Variants in SBSN observed in about 807,000 individuals in gnomAD.
SBSN encodes the protein suprabasin.
In SBSN, 33 loss-of-function variants were observed where a neutral mutation model predicts 42.8. That is an observed-to-expected ratio of 0.77 (90% CI 0.58 to 1.03). SBSN has a LOEUF of 1.03. SBSN is among the 50% of genes least tolerant of loss of function. The probability of loss-of-function intolerance (pLI) is 0.00; values close to 1 mark genes in which losing one functional copy is unlikely to be tolerated. For missense variants in SBSN, 646 were observed against 757.3 expected, an observed-to-expected ratio of 0.85 and a Z score of 1.72; for synonymous variants, 276 against 307.0, an observed-to-expected ratio of 0.90 and a Z score of 1.06.
intron 1 of SBSN, among the ~76,000 whole-genome samples, chr19:35,525,502 T>C (rs975674985): frequency 2.2e-5 from 3 of 135,460 alleles, no homozygotes; most frequent in African/African-American, 8.2e-5. Context: ...GATGTGGCTC[T>C]GGACTTCGAC....
chr19:35,528,296 C>T lies in SBSN; in HGVS notation c.-15G>A, dbSNP rs757901593. On this transcript the variant is annotated 5_prime_UTR_variant, in exon 1 of 4. Coordinates refer to ENST00000452271, the MANE Select transcript of SBSN (RefSeq NM_001166034.2). The stretch of plus-strand genomic sequence containing the variant: ...GCAAGATGCATATTGCTGGGAAGGT[C>T]GGGAAGGATGCAGAGAGGAGCCAGG... The T allele has an allele frequency of 4.4e-6, 7 of 1,590,146 alleles. No individual in the cohort carries two copies. The highest frequency in any genetic ancestry group is 2.7e-5 in the African/African-American group (2 of 74,504).
chr19:35,523,879 A>G (rs2071339437), intron 3 of SBSN, among the ~76,000 whole-genome samples: 1 of 152,184 alleles, frequency 6.6e-6, no homozygotes, highest in South Asian at 2.1e-4. Flanking sequence ...CAGCAGATAC[A>G]ATAAGTGCAA....
rs756825268 is a variant in SBSN at position 35,527,708 on chromosome 19, C to T, written c.574G>A (p.Val192Ile). 1 of 1,521,438 alleles carries T rather than the reference C, an allele frequency of 6.6e-7. No individual in the cohort carries two copies. Among genetic ancestry groups the T allele is most frequent in the Admixed American group, 2.0e-5 (1 of 49,586 alleles). 94.2% of individuals were successfully genotyped at this position (1,521,438 alleles called of 1,614,324 possible). A position where few individuals can be genotyped will look rare whatever the true frequency, so the allele number is the denominator to read the frequency against. ...CCGGCCTGCCCTGCAGCATGGTGGA[C>T]TCCCTGGCCAAACCTCCCAGCCTCA... ...GNEAGRFGQG[V>I]HHAAGQAGNE... Residue 192 changes from valine to isoleucine, a missense_variant, in exon 1 of 4, where the codon GTC becomes ATC. Physicochemically the swap from Val to Ile is conservative, Grantham distance 29 (BLOSUM62 3). Transcript: ENST00000452271.
intron 1 of SBSN, among the ~76,000 whole-genome samples, 186 bp from the exon 2 acceptor site, chr19:35,525,110 C>G (rs549090383): frequency 6.6e-6 from 1 of 152,304 alleles, no homozygotes; most frequent in South Asian, 2.1e-4. Context: ...CATTCTGCCT[C>G]CTGCTGCCTT....
At position 35,528,048 on chromosome 19, in the gene SBSN, G is replaced by A. The variant is rs749399218; in HGVS notation, c.234C>T (p.His78=). Residue 78 remains histidine, a synonymous_variant, in exon 1 of 4, where the codon CAC becomes CAT. Coordinates refer to ENST00000452271, the MANE Select transcript of SBSN (RefSeq NM_001166034.2). ...VFNGLSNMGS[H]TGKELDKGVQ... Reference sequence around the variant, plus strand: ...CGCCTTTGTCCAACTCCTTGCCGGTGTGGCTCCCCATGTTGCTAAGTCCGT... The same window carrying A: ...CGCCTTTGTCCAACTCCTTGCCGGTATGGCTCCCCATGTTGCTAAGTCCGT... 6.2e-7 allele frequency: 1 copy of A among 1,613,876 alleles called. No homozygotes were observed. The highest frequency in any genetic ancestry group is 1.7e-5 in the Admixed American group (1 of 60,004).
chr19:35,527,278 C>A lies in SBSN; in HGVS notation c.1004G>T (p.Gly335Val). Residue 335 changes from glycine (G) to valine (V), a missense_variant, in exon 1 of 4, where the codon GGG becomes GTG. Physicochemically the swap from Gly to Val is moderately radical, Grantham distance 109 (BLOSUM62 -3). Transcript: ENST00000452271. The part of the protein sequence containing the change: ...AGNEAGRFGQ[G>V]VHHGLSEGWK... ...GCCCTCACTGAGACCATGGTGGACC[C>A]CCTGGCCAAACCTCCCAGCCTCATT... 2.0e-6 allele frequency: 3 copies of A among 1,534,452 alleles called. No homozygotes were observed. Among genetic ancestry groups the A allele is most frequent in the Admixed American group, 4.0e-5 (2 of 50,442 alleles).
intron 1 of SBSN, among the ~76,000 whole-genome samples, chr19:35,526,228 G>GA (rs1600120782): frequency 6.6e-6 from 1 of 152,146 alleles, no homozygotes; most frequent in East Asian, 1.9e-4. Flanking sequence ...GCTCATCTCC[G>GA]AAAGCTATTC....
At chr19:35,523,560 G>A (rs766886723) in intron 3 of SBSN, 27 bp from the exon 4 acceptor site, 5 of 1,613,600 alleles carry the variant, frequency 3.1e-6, no homozygotes, top group Non-Finnish European at 3.4e-6. Context: ...GAGCAGGGGT[G>A]AATGTAGGGT....
chr19:35,524,657 G>T, intron 3 of SBSN, 54 bp downstream of exon 3: 3 of 1,591,964 alleles, frequency 1.9e-6, no homozygotes, highest in Non-Finnish European at 2.6e-6. Flanking sequence ...AGGGGTCGGG[G>T]TGAGCGTATC....
chr19:35,528,304 A>T lies in SBSN; in HGVS notation c.-23T>A. The T allele has an allele frequency of 3.2e-6, 5 of 1,577,228 alleles. No homozygotes were observed. Among genetic ancestry groups the T allele is most frequent in the Non-Finnish European group, 4.3e-6 (5 of 1,163,630 alleles). On this transcript the variant is annotated 5_prime_UTR_variant, in exon 1 of 4. Transcript: ENST00000452271. ...CATATTGCTGGGAAGGTCGGGAAGG[A>T]TGCAGAGAGGAGCCAGGGAAGCCAC... is the stretch of plus-strand genomic sequence containing the variant.
At chr19:35,526,198 C>T (rs1053451337) in intron 1 of SBSN, among the ~76,000 whole-genome samples, 1 of 152,136 alleles carries the variant, frequency 6.6e-6, no homozygotes, top group Non-Finnish European at 1.5e-5. Flanking sequence ...AGGGTAGTTA[C>T]AAAGATTACA....
At chr19:35,523,576 G>A (rs1054375084) in intron 3 of SBSN, 43 bp from the exon 4 acceptor site, 1 of 1,606,450 alleles carries the variant, frequency 6.2e-7, no homozygotes, top group Admixed American at 1.7e-5. Flanking sequence ...AGGGTCCACA[G>A]TCATGACGGG....
intron 1 of SBSN, among the ~76,000 whole-genome samples, chr19:35,525,515 C>T (rs1784866716): frequency 1.4e-5 from 2 of 141,008 alleles, no homozygotes; most frequent in African/African-American, 5.3e-5. Context: ...ACTTCGACGT[C>T]TGAGCCAGTC....
At chr19:35,525,816 G>A (rs190004035) in intron 1 of SBSN, among the ~76,000 whole-genome samples, 20 of 152,252 alleles carry the variant, frequency 1.3e-4, no homozygotes, top group African/African-American at 4.6e-4. Flanking sequence ...CTGAGTAGTT[G>A]GGATTAGAGG....
In SBSN at chr19:35,524,703, G is replaced by A. The variant is rs2071348810; in HGVS notation, c.1749+8C>T. On this transcript the variant is annotated splice_region_variant and intron_variant, in intron 3 of 3. Transcript: ENST00000452271. ...CAGAGCAGAAAAGAGACACCATGGG[G>A]CACTCACCCTCCACAGGGCGGGAAG... The A allele has an allele frequency of 6.2e-7, 1 of 1,613,752 alleles. No homozygotes were observed. The highest frequency in any genetic ancestry group is 1.7e-5 in the Admixed American group (1 of 59,982).
chr19:35,526,108 G>A (rs1600120699), intron 1 of SBSN, among the ~76,000 whole-genome samples: 2 of 152,316 alleles, frequency 1.3e-5, no homozygotes, highest in Admixed American at 1.3e-4. Context: ...CAGGACTTTG[G>A]CACGTCCCCT....
At chr19:35,525,579 G>A (rs960654352) in intron 1 of SBSN, among the ~76,000 whole-genome samples, 8 of 151,898 alleles carry the variant, frequency 5.3e-5, no homozygotes, top group Non-Finnish European at 1.2e-4. Context: ...GGGCGCACAG[G>A]AGTCCACCCT....
intron 1 of SBSN, among the ~76,000 whole-genome samples, chr19:35,526,388 A>G (rs940148117): frequency 2.0e-5 from 3 of 151,920 alleles, no homozygotes; most frequent in Admixed American, 2.0e-4. Flanking sequence ...AGCTCCCTGA[A>G]GGTGGGACAG....
intron 1 of SBSN, among the ~76,000 whole-genome samples, chr19:35,525,410 C>T (rs1482382667): frequency 1.3e-5 from 2 of 152,094 alleles, no homozygotes; most frequent in African/African-American, 2.4e-5. Flanking sequence ...CCTCTGCTCG[C>T]GGCACCCTGC....
Sources: allele counts gnomAD v4.1 joint callset (sites outside exome capture counted in the v4.1 genomes callset), GRCh38; gene constraint gnomAD v4.1.1; transcripts MANE v1.5; gene names NCBI Gene and HGNC (gene_info 2026-07-23, HGNC 2026-07-21).